The following CHST9 variants were observed in gnomAD, a reference collection of about 807,000 sequenced individuals.
CHST9 encodes the protein carbohydrate sulfotransferase 9.
Under a neutral mutation model 44.4 loss-of-function variants are expected in CHST9, and 41 were observed. The ratio of observed to expected loss-of-function variants is 0.92; its 90% CI spans 0.72 to 1.20. The LOEUF is 1.20. Ranked by LOEUF, CHST9 falls within the 50% of genes most tolerant of loss-of-function variation. The probability of loss-of-function intolerance (pLI) is 0.00; values close to 1 mark genes in which losing one functional copy is unlikely to be tolerated. For missense variants in CHST9, 504 were observed against 516.5 expected, an observed-to-expected ratio of 0.98 and a Z score of 0.23; for synonymous variants, 171 against 178.4, an observed-to-expected ratio of 0.96 and a Z score of 0.33.
At chr18:27,025,223 T>C (rs931795206) in intron 3 of CHST9, among the ~76,000 whole-genome samples, 2 of 149,624 alleles carry the variant, frequency 1.3e-5, no homozygotes, top group African/African-American at 4.9e-5. Context: ...TTTATAAATA[T>C]ATAGGTAATG....
At chr18:27,123,744 T>G (rs2058395385) in intron 2 of CHST9, among the ~76,000 whole-genome samples, 1 of 152,222 alleles carries the variant, frequency 6.6e-6, no homozygotes, top group African/African-American at 2.4e-5. Flanking sequence ...GAACATGGTC[T>G]GCTAGGATCT....
At chr18:27,003,255 G>A (rs2056974163) in intron 4 of CHST9, among the ~76,000 whole-genome samples, 1 of 152,084 alleles carries the variant, frequency 6.6e-6, no homozygotes, top group African/African-American at 2.4e-5. Flanking sequence ...AACTGATGAT[G>A]TGTAGACTTT....
At chr18:26,987,419 A>G (rs1598617689) in intron 4 of CHST9, among the ~76,000 whole-genome samples, 1 of 152,298 alleles carries the variant, frequency 6.6e-6, no homozygotes, top group Middle Eastern at 3.4e-3. Flanking sequence ...CCAGTCTCAG[A>G]TATTCTGTTA....
rs544949707 is a variant in CHST9 at position 27,005,738 on chromosome 18, C to T, written c.202+18378G>A. Among the ~76,000 whole-genome samples the T allele has an allele frequency of 9.2e-5, 14 of 152,182 alleles. No individual in the cohort carries two copies. In the East Asian group the frequency reaches 1.9e-3, roughly 21 times the overall value. Reference sequence around the variant, plus strand: ...GGAAGGGGCAAGTCTCCAGGGGAGGCATCAACATCTGCTGGAGGTGAGGGG... The same window carrying T: ...GGAAGGGGCAAGTCTCCAGGGGAGGTATCAACATCTGCTGGAGGTGAGGGG... On this transcript the variant is annotated intron_variant, in intron 4 of 5. Transcript: ENST00000618847.
At chr18:26,925,014 T>A (rs928615215) in intron 5 of CHST9, among the ~76,000 whole-genome samples, 2 of 152,086 alleles carry the variant, frequency 1.3e-5, no homozygotes, top group African/African-American at 4.8e-5. Flanking sequence ...ACAGACTTGG[T>A]CCCTGATCTT....
At chr18:27,073,418 G>A (rs2057863837) in intron 2 of CHST9, among the ~76,000 whole-genome samples, 1 of 129,530 alleles carries the variant, frequency 7.7e-6, no homozygotes, top group Non-Finnish European at 1.6e-5. Context: ...GGGTGGGGGT[G>A]GGCAGCGCAG....
intron 4 of CHST9, among the ~76,000 whole-genome samples, chr18:27,014,199 A>G (rs933820683): frequency 2.0e-5 from 3 of 152,148 alleles, no homozygotes; most frequent in African/African-American, 7.2e-5. Flanking sequence ...ACACACACAC[A>G]AAACTAATTT....
chr18:27,166,207 A>G (rs2058788910), intron 1 of CHST9, among the ~76,000 whole-genome samples: 2 of 152,118 alleles, frequency 1.3e-5, no homozygotes, highest in Non-Finnish European at 2.9e-5. Flanking sequence ...TTCTGGTCTC[A>G]TATTTCTCAA....
intron 2 of CHST9, among the ~76,000 whole-genome samples, chr18:27,136,007 G>A (rs533222734): frequency 6.6e-6 from 1 of 152,158 alleles, no homozygotes; most frequent in East Asian, 1.9e-4. Context: ...GCAGCATCAG[G>A]GTCCACAGAA....
chr18:27,137,336 G>A (rs1434638235), intron 2 of CHST9, among the ~76,000 whole-genome samples: 10 of 142,982 alleles, frequency 7.0e-5, no homozygotes, highest in East Asian at 1.9e-4. Context: ...GTGTGTGTGT[G>A]TGTGTGTGTG....
At chr18:27,159,562 T>C (rs181017096) in intron 1 of CHST9, among the ~76,000 whole-genome samples, 2,781 of 152,342 alleles carry the variant, frequency 0.018, 71 homozygotes, top group African/African-American at 0.061. Context: ...AGCTTTGTTC[T>C]TTTGGCTTAG....
At chr18:27,115,064 C>G (rs1487326283) in intron 2 of CHST9, among the ~76,000 whole-genome samples, 4 of 152,142 alleles carry the variant, frequency 2.6e-5, no homozygotes, top group African/African-American at 9.7e-5. Context: ...TGCACTCACT[C>G]TGTCCTGCTG....
rs116386125 is a variant in CHST9 at position 27,059,056 on chromosome 18, G to A, written c.122-10553C>T. Among the ~76,000 whole-genome samples the A allele has an allele frequency of 6.4e-3, 966 of 152,008 alleles. 8 individuals carry two copies. Among genetic ancestry groups the A allele is most frequent in the African/African-American group, 0.023 (936 of 41,450 alleles). ...ATATGTTCTATTATTCAGCATTTTA[G>A]CATCTAAAATTATTCCTTTTCATGA... On this transcript the variant is annotated intron_variant, in intron 2 of 5. Transcript: ENST00000618847.
At chr18:26,968,352 A>G (rs2056494305) in intron 4 of CHST9, among the ~76,000 whole-genome samples, 1 of 152,118 alleles carries the variant, frequency 6.6e-6, no homozygotes, top group Admixed American at 6.5e-5. Flanking sequence ...AGGCTTTAGC[A>G]TTGTCAGACT....
chr18:27,114,776 A>G (rs1381772682), intron 2 of CHST9, among the ~76,000 whole-genome samples: 1 of 152,208 alleles, frequency 6.6e-6, no homozygotes, highest in Non-Finnish European at 1.5e-5. Context: ...AGCATCTATC[A>G]GTACTTTTTT....
chr18:27,040,485 G>C (rs778742876), intron 3 of CHST9, among the ~76,000 whole-genome samples: 1 of 152,102 alleles, frequency 6.6e-6, no homozygotes, highest in Non-Finnish European at 1.5e-5. Context: ...ACCTCCCTTT[G>C]TGGGTCTCTC....
At chr18:26,964,520 C>T (rs985721127) in intron 4 of CHST9, among the ~76,000 whole-genome samples, 17 of 152,206 alleles carry the variant, frequency 1.1e-4, no homozygotes, top group African/African-American at 3.9e-4. Context: ...TATGGAAGTT[C>T]TAGTGTTCTT....
intron 2 of CHST9, among the ~76,000 whole-genome samples, chr18:27,083,931 A>T (rs557435390): frequency 2.6e-5 from 4 of 152,228 alleles, no homozygotes; most frequent in Admixed American, 1.3e-4. Context: ...TGTTTGTGTG[A>T]TGAATCATAT....
intron 2 of CHST9, among the ~76,000 whole-genome samples, chr18:27,058,915 A>C (rs1198637906): frequency 6.6e-6 from 1 of 152,164 alleles, no homozygotes; most frequent in Non-Finnish European, 1.5e-5. Context: ...TCTTTTTTTC[A>C]TAATGAGAAT....
Sources: allele counts gnomAD v4.1 joint callset (sites outside exome capture counted in the v4.1 genomes callset), GRCh38; gene constraint gnomAD v4.1.1; transcripts MANE v1.5; gene names NCBI Gene and HGNC (gene_info 2026-07-23, HGNC 2026-07-21).